The following SP1 variants were observed in gnomAD, a reference collection of about 807,000 sequenced individuals.
SP1 encodes the protein Sp1 transcription factor, also known as transcription factor Sp1.
In SP1, 6 loss-of-function variants were observed where a neutral mutation model predicts 66.3. The observed-to-expected ratio is 0.09, with a 90% CI of 0.05 to 0.18. The LOEUF is 0.18. Ranked by LOEUF, SP1 falls within the 10% of genes least tolerant of loss-of-function variation. The probability of loss-of-function intolerance (pLI) is 1.00; values close to 1 mark genes in which losing one functional copy is unlikely to be tolerated. For synonymous variants in SP1, 417 were observed against 360.8 expected, an observed-to-expected ratio of 1.16 and a Z score of -1.77; for missense variants, 848 against 964.5, an observed-to-expected ratio of 0.88 and a Z score of 1.60.
Position 53,409,508 on chromosome 12 carries a change from G to A in SP1, c.1991G>A (p.Gly664Glu). ...RPFMCTWSYC[G>E]KRFTRSDELQ... ...TTTATGTGTACCTGGTCATACTGTG[G>A]GAAACGCTTCACACGTTCGGATGAG... Residue 664 changes from glycine (G) to glutamate (E), a missense_variant, in exon 5 of 6, where the codon GGG (glycine) becomes GAG (glutamate). Gly to Glu is a moderately conservative substitution (Grantham distance 98). Transcript: ENST00000327443. The A allele has an allele frequency of 6.2e-7, 1 of 1,614,162 alleles. No individual in the cohort carries two copies. Among genetic ancestry groups the A allele is most frequent in the Non-Finnish European group, 8.5e-7 (1 of 1,180,020 alleles).
Position 53,383,240 on chromosome 12 carries a change from C to T in SP1, c.1293C>T (p.Ser431=). Residue 431 remains serine (S), a synonymous_variant, in exon 3 of 6, where the codon TCC becomes TCT. Transcript: ENST00000327443. ...AGACCTTTACAACTCAAGCCATCTC[C>T]CAGGAAACCCTCCAGAACCTCCAGC... The part of the protein sequence containing the change: ...SGQTFTTQAI[S]QETLQNLQLQ... 6.2e-7 allele frequency: 1 copy of T among 1,614,216 alleles called. No homozygotes were observed. The highest frequency in any genetic ancestry group is 8.5e-7 in the Non-Finnish European group (1 of 1,180,022).
chr12:53,380,236 G>GGGCC lies in SP1; in HGVS notation c.-56_-55insGGCC. 3 of 1,023,196 alleles carry GGGCC rather than the reference G, an allele frequency of 2.9e-6. No individual in the cohort carries two copies. The highest frequency in any genetic ancestry group is 4.6e-6 in the Non-Finnish European group (3 of 656,920). The allele number at this position is 1,023,196 out of a possible 1,614,324, so 63.4% of individuals were successfully genotyped here. ...CTCGTCAGCGTCCGCGTTTTTCCCG[G>GGGCC]CCCCCCCCAACCCCCCCGGACAGGA... On this transcript the variant is annotated 5_prime_UTR_variant, in exon 1 of 6. Coordinates refer to ENST00000327443, the MANE Select transcript of SP1 (RefSeq NM_138473.3).
intron 3 of SP1, among the ~76,000 whole-genome samples, chr12:53,400,988 C>G (rs867818608): frequency 1.3e-5 from 2 of 151,558 alleles, no homozygotes; most frequent in South Asian, 2.1e-4. Context: ...TCTCGAACTC[C>G]TGACCTCAGG....
chr12:53,396,554 C>T (rs765891905), intron 3 of SP1, among the ~76,000 whole-genome samples: 10 of 152,026 alleles, frequency 6.6e-5, no homozygotes, highest in African/African-American at 2.2e-4. Context: ...GGCGACAGAG[C>T]GAGACTCCAT....
chr12:53,397,233 A>C (rs1417400511), intron 3 of SP1, among the ~76,000 whole-genome samples: 1 of 151,570 alleles, frequency 6.6e-6, no homozygotes, highest in Non-Finnish European at 1.5e-5. Flanking sequence ...CAGATCTCAA[A>C]CTCCTGACCT....
chr12:53,402,150 T>G (rs1017689126), intron 3 of SP1, among the ~76,000 whole-genome samples: 17 of 152,280 alleles, frequency 1.1e-4, no homozygotes, highest in Middle Eastern at 3.4e-3. Context: ...TTTTCCTAGT[T>G]TCAGCTCTAC....
In SP1 at chr12:53,387,723, C is replaced by T. The variant is rs574837618; in HGVS notation, c.1675+4101C>T. On this transcript the variant is annotated intron_variant, in intron 3 of 5. Transcript: ENST00000327443. ...GTATTCGAGCCAGCCTGGTGGCTCA[C>T]GCCTGTAATCCCAGCACTTTGGGAG... Among the ~76,000 whole-genome samples, 3 of 152,244 alleles carry T rather than the reference C, an allele frequency of 2.0e-5. No homozygotes were observed. The South Asian group carries it at 6.2e-4, about 32-fold the overall frequency.
intron 3 of SP1, among the ~76,000 whole-genome samples, chr12:53,402,688 C>G (rs957308344): frequency 6.9e-6 from 1 of 144,150 alleles, no homozygotes; most frequent in Non-Finnish European, 1.5e-5. Flanking sequence ...AAAATGCAGC[C>G]GGGTGCAGTG....
At chr12:53,383,705 C>T (rs764962251) in intron 3 of SP1, 83 bp downstream of exon 3, 22 of 1,098,528 alleles carry the variant, frequency 2.0e-5, no homozygotes, top group Non-Finnish European at 2.5e-5. Context: ...AGGAATAGAG[C>T]CTTTTGAGAT....
rs964289129 is a variant in SP1, at chr12:53,415,906, C to T, written c.*4666C>T. On this transcript the variant is annotated 3_prime_UTR_variant, in exon 6 of 6. Coordinates refer to ENST00000327443, the MANE Select transcript of SP1 (RefSeq NM_138473.3). ...AAATCCCATAGCCCTTACCTAGAGT[C>T]TAGGGCACAAAGACTTCGGGGAAGA... The T allele has an allele frequency of 6.6e-6, 1 of 152,548 alleles. No homozygotes were observed. Among genetic ancestry groups the T allele is most frequent in the Non-Finnish European group, 1.5e-5 (1 of 68,026 alleles). 9.4% of individuals were successfully genotyped at this position (152,548 alleles called of 1,614,324 possible). A position where few individuals can be genotyped will look rare whatever the true frequency, so the allele number is the denominator to read the frequency against.
Position 53,409,242 on chromosome 12 carries a change from C to G in SP1, c.1845-120C>G, listed in dbSNP as rs1938825241. 3 of 816,654 alleles carry G rather than the reference C, an allele frequency of 3.7e-6. No individual in the cohort carries two copies. In the Admixed American group the frequency reaches 8.4e-5, roughly 23 times the overall value. The allele number at this position is 816,654 out of a possible 1,614,324, so 50.6% of individuals were successfully genotyped here. A position where few individuals can be genotyped will look rare whatever the true frequency, so the allele number is the denominator to read the frequency against. ...TCTCTCAAAAAAACAAAAAAGAAGA[C>G]TTTTTCAAAAAATAAAAGTTTGGGT... On this transcript the variant is annotated intron_variant, in intron 4 of 5. Transcript: ENST00000327443.
At chr12:53,399,862 C>T (rs1938570396) in intron 3 of SP1, among the ~76,000 whole-genome samples, 1 of 143,926 alleles carries the variant, frequency 6.9e-6, no homozygotes, top group Non-Finnish European at 1.5e-5. Flanking sequence ...AACTCTCAAC[C>T]TCAGGTCATC....
rs1216184919 is a variant in SP1 at position 53,412,380 on chromosome 12, T to G, written c.*1140T>G. The G allele has an allele frequency of 6.6e-6, 1 of 152,632 alleles. No individual in the cohort carries two copies. Among genetic ancestry groups the G allele is most frequent in the Non-Finnish European group, 1.5e-5 (1 of 68,048 alleles). 9.5% of individuals were successfully genotyped at this position (152,632 alleles called of 1,614,324 possible). On this transcript the variant is annotated 3_prime_UTR_variant, in exon 6 of 6. Coordinates refer to ENST00000327443, the MANE Select transcript of SP1 (RefSeq NM_138473.3). ...TCAGGAGTTAGTGGAGTATTTGGAC[T>G]TTGGTACTGCTGTCTTCCAAGGTAG...
intron 3 of SP1, among the ~76,000 whole-genome samples, chr12:53,406,328 C>G (rs1938738288): frequency 6.6e-6 from 1 of 152,038 alleles, no homozygotes; most frequent in Admixed American, 6.6e-5. Context: ...CTCGGCCTCC[C>G]AAAGTGATGG....
Position 53,380,236 on chromosome 12 carries a change from G to GGGC in SP1, c.-56_-55insGGC. The GGGC allele has an allele frequency of 9.8e-7, 1 of 1,023,204 alleles. No individual in the cohort carries two copies. Among genetic ancestry groups the GGGC allele is most frequent in the Non-Finnish European group, 1.5e-6 (1 of 656,926 alleles). 63.4% of individuals were successfully genotyped at this position (1,023,204 alleles called of 1,614,324 possible). Reference sequence around the variant, plus strand: ...CTCGTCAGCGTCCGCGTTTTTCCCGGCCCCCCCCAACCCCCCCGGACAGGA... The same window carrying GGGC: ...CTCGTCAGCGTCCGCGTTTTTCCCGGGGCCCCCCCCCAACCCCCCCGGACAGGA... On this transcript the variant is annotated 5_prime_UTR_variant, in exon 1 of 6. Transcript: ENST00000327443.
intron 3 of SP1, among the ~76,000 whole-genome samples, chr12:53,394,815 C>A (rs559582126): frequency 2.6e-5 from 4 of 151,372 alleles, no homozygotes; most frequent in Non-Finnish European, 5.9e-5. Flanking sequence ...GGGTTTTCAC[C>A]GTGTTAGCCA....
rs1938139954 is a variant in SP1, at chr12:53,382,891, C to G, written c.944C>G (p.Ala315Gly). The G allele has an allele frequency of 6.2e-7, 1 of 1,614,204 alleles. No homozygotes were observed. Among genetic ancestry groups the G allele is most frequent in the African/African-American group, 1.3e-5 (1 of 75,038 alleles). ...TCTGCCAGCTTGGTATCATCACAAG[C>G]CAGTTCCAGCTCCTTTTTCACCAAT... Reference protein sequence around the residue: ...ISSASLVSSQASSSSFFTNAN... With the variant: ...ISSASLVSSQGSSSSFFTNAN... Residue 315 changes from alanine to glycine, a missense_variant, in exon 3 of 6, where the codon GCC becomes GGC. By Grantham distance (60) the Ala-to-Gly change is moderately conservative. Around this residue, in one of 7 missense-constraint regions of SP1, gnomAD observed 606 missense variants for 589.9 expected, o/e 1.03. Coordinates refer to ENST00000327443, the MANE Select transcript of SP1 (RefSeq NM_138473.3).
At position 53,406,662 on chromosome 12, in the gene SP1, G is replaced by A. The variant is rs760084342; in HGVS notation, c.1753G>A (p.Gly585Arg). The change falls in exon 4 of 6, where the codon GGA becomes AGA. Residue 585 changes from glycine (G) to arginine (R), a missense_variant. By Grantham distance (125) the Gly-to-Arg change is moderately radical. Transcript: ENST00000327443. ...TGATGACACAGCAGGTGGAGAGGAA[G>A]GAGAAAACAGCCCAGATGCCCAACC... ...IHDDTAGGEEGENSPDAQPQA... is the reference protein window; with the variant it reads ...IHDDTAGGEERENSPDAQPQA... 4.3e-6 allele frequency: 7 copies of A among 1,613,934 alleles called. No homozygotes were observed. The South Asian group carries it at 6.6e-5, about 15-fold the overall frequency.
chr12:53,406,534 A>G (rs887094314), intron 3 of SP1, 51 bp from the exon 4 acceptor site: 3 of 1,514,524 alleles, frequency 2.0e-6, no homozygotes, highest in Non-Finnish European at 2.7e-6. Context: ...CTGAGATGCC[A>G]GTGATAACCT....
Sources: allele counts gnomAD v4.1 joint callset (sites outside exome capture counted in the v4.1 genomes callset), GRCh38; gene constraint gnomAD v4.1.1; regional missense constraint gnomAD v4.1.1; transcripts MANE v1.5; gene names NCBI Gene and HGNC (gene_info 2026-07-23, HGNC 2026-07-21).